The following PARD3 variants were observed in gnomAD, a reference collection of about 807,000 sequenced individuals.
PARD3 encodes par-3 family cell polarity regulator.
In PARD3, 75 loss-of-function variants were observed where a neutral mutation model predicts 155.4. The ratio of observed to expected loss-of-function variants is 0.48; its 90% CI spans 0.40 to 0.58. The LOEUF (loss-of-function observed/expected upper bound fraction) is 0.58, where lower values mean the gene tolerates loss of function less well. Among genes scored for constraint, PARD3 ranks in the 20% least tolerant of loss-of-function variants. PARD3 has a pLI of 0.00. For missense variants in PARD3, 1,642 were observed against 1,721.7 expected, an observed-to-expected ratio of 0.95 and a Z score of 0.82; for synonymous variants, 576 against 610.5, an observed-to-expected ratio of 0.94 and a Z score of 0.83.
chr10:34,267,192 G>T (rs1489069708), intron 22 of PARD3, among the ~76,000 whole-genome samples: 1 of 152,014 alleles, frequency 6.6e-6, no homozygotes, highest in Admixed American at 6.6e-5. Flanking sequence ...TTTCTCCCAG[G>T]AAAACAATTC....
intron 2 of PARD3, among the ~76,000 whole-genome samples, chr10:34,686,636 G>A (rs12219302): frequency 0.61 from 92,225 of 151,700 alleles, 28,952 homozygotes; most frequent in Non-Finnish European, 0.67. Flanking sequence ...AGCTACTCAG[G>A]AGGCTGAGGC....
chr10:34,530,703 T>A (rs940940046), intron 2 of PARD3, among the ~76,000 whole-genome samples: 6 of 152,234 alleles, frequency 3.9e-5, no homozygotes, highest in African/African-American at 1.4e-4. Context: ...TCACGATATT[T>A]CTATCACAAG....
At chr10:34,505,642 C>T (rs911771588) in intron 3 of PARD3, among the ~76,000 whole-genome samples, 3 of 152,112 alleles carry the variant, frequency 2.0e-5, no homozygotes, top group Admixed American at 2.0e-4. Context: ...AATGCCAGGC[C>T]AATGTCTACA....
intron 3 of PARD3, among the ~76,000 whole-genome samples, chr10:34,498,752 G>A (rs1439959080): frequency 1.3e-5 from 2 of 152,140 alleles, no homozygotes; most frequent in Admixed American, 6.5e-5. Context: ...ACTCCAGCCT[G>A]AGCAAAAGAG....
chr10:34,488,790 T>TA (rs1398664836), intron 3 of PARD3: 1 of 154,722 alleles, frequency 6.5e-6, no homozygotes, highest in Non-Finnish European at 1.4e-5. Context: ...GAGGATGCCC[T>TA]CGACGATGCA....
chr10:34,639,871 C>T (rs1440862736), intron 2 of PARD3, among the ~76,000 whole-genome samples: 2 of 151,998 alleles, frequency 1.3e-5, no homozygotes, highest in Non-Finnish European at 2.9e-5. Flanking sequence ...CACACACACA[C>T]ACACCACACA....
At chr10:34,171,118 G>A (rs564081889) in intron 22 of PARD3, among the ~76,000 whole-genome samples, 4 of 152,138 alleles carry the variant, frequency 2.6e-5, no homozygotes, top group East Asian at 1.9e-4. Flanking sequence ...ATACACACAC[G>A]TTTATACACA....
At chr10:34,336,289 A>G (rs1836178384) in intron 17 of PARD3, 46 bp from the exon 18 acceptor site, 1 of 1,425,620 alleles carries the variant, frequency 7.0e-7, no homozygotes, top group Non-Finnish European at 9.9e-7. Flanking sequence ...TAGTTCCCAT[A>G]GCCCACCATG....
In PARD3 at chr10:34,399,240, T is replaced by C. The variant is rs2277255; in HGVS notation, c.890+90A>G. The C allele has an allele frequency of 8.1e-5, 68 of 835,662 alleles. No individual in the cohort carries two copies. In the East Asian group the frequency reaches 1.6e-3, roughly 20 times the overall value. 51.8% of individuals were successfully genotyped at this position (835,662 alleles called of 1,614,324 possible). ...ATGAGAATGTTTCCTATTAAGCATA[T>C]GCTAAGTCAACACCACTCTCTATCT... On this transcript the variant is annotated intron_variant, in intron 7 of 24. Coordinates refer to ENST00000374788, the MANE Select transcript of PARD3 (RefSeq NM_001184785.2).
At chr10:34,454,775 C>T (rs1469874) in intron 4 of PARD3, among the ~76,000 whole-genome samples, 69,378 of 151,966 alleles carry the variant, frequency 0.46, 18,718 homozygotes, top group African/African-American at 0.76. Flanking sequence ...GATCAGGGAT[C>T]TTCCTTATCA....
chr10:34,544,839 T>C (rs1009648875), intron 2 of PARD3, among the ~76,000 whole-genome samples: 3 of 152,216 alleles, frequency 2.0e-5, no homozygotes, highest in African/African-American at 7.2e-5. Context: ...TAGTAACTAT[T>C]ATTCTCATTT....
chr10:34,419,284 G>A (rs1845964498), intron 5 of PARD3, among the ~76,000 whole-genome samples: 1 of 152,082 alleles, frequency 6.6e-6, no homozygotes, highest in Non-Finnish European at 1.5e-5. Context: ...TTGGTAAGCT[G>A]AGGCAGGCGA....
rs144767395 is a variant in PARD3 at position 34,324,293 on chromosome 10, T to C, written c.2833+6824A>G. ...ACCATGAAACATAATCTATATTGAG[T>C]GATCCGCAAAAATTTCCTGATGTTA... On this transcript the variant is annotated intron_variant, in intron 19 of 24. Transcript: ENST00000374788. Among the ~76,000 whole-genome samples, 377 of 152,280 alleles carry C rather than the reference T, an allele frequency of 2.5e-3. 1 individual carries two copies. Among genetic ancestry groups the C allele is most frequent in the Non-Finnish European group, 4.3e-3 (295 of 68,018 alleles).
At position 34,653,119 on chromosome 10, in the gene PARD3, G is replaced by A. The variant is rs1366020946; in HGVS notation, c.222+43199C>T. Among the ~76,000 whole-genome samples the A allele has an allele frequency of 2.0e-5, 3 of 152,038 alleles. No individual in the cohort carries two copies. The East Asian group carries it at 5.8e-4, about 29-fold the overall frequency. On this transcript the variant is annotated intron_variant, in intron 2 of 24. Transcript: ENST00000374788. ...TTTCAAGGATGAGAAAGGTTTGGAG[G>A]GTCTTATATAAGTGATAGTAATCAG... is the stretch of plus-strand genomic sequence containing the variant.
intron 1 of PARD3, among the ~76,000 whole-genome samples, chr10:34,743,950 T>A (rs1056346046): frequency 6.6e-6 from 1 of 152,190 alleles, no homozygotes; most frequent in Non-Finnish European, 1.5e-5. Context: ...TTTGCACTCA[T>A]GGCTGCCTGG....
At chr10:34,234,567 A>G (rs899470814) in intron 22 of PARD3, among the ~76,000 whole-genome samples, 4 of 152,312 alleles carry the variant, frequency 2.6e-5, no homozygotes, top group African/African-American at 7.2e-5. Context: ...CTCTGCATGA[A>G]TGACTTCTTT....
At chr10:34,704,824 C>T (rs1564527895) in intron 1 of PARD3, among the ~76,000 whole-genome samples, 1 of 152,160 alleles carries the variant, frequency 6.6e-6, no homozygotes, top group Non-Finnish European at 1.5e-5. Context: ...TTAGCATCCA[C>T]CAACCAGATT....
At chr10:34,550,431 C>A (rs571116084) in intron 2 of PARD3, among the ~76,000 whole-genome samples, 4 of 152,126 alleles carry the variant, frequency 2.6e-5, no homozygotes, top group Non-Finnish European at 5.9e-5. Context: ...AGGCTGGTCT[C>A]GAACTCCTAA....
chr10:34,581,234 C>CTTTCTTTT (rs1554776262), intron 2 of PARD3, among the ~76,000 whole-genome samples: 1 of 101,274 alleles, frequency 9.9e-6, no homozygotes, highest in Non-Finnish European at 1.9e-5. Context: ...TTTTTCTTTT[C>CTTTCTTTT]TTTTTTTTTT....
Sources: gnomAD v4.1 joint callset for allele counts (sites outside exome capture counted in the v4.1 genomes callset) on GRCh38, gnomAD v4.1.1 for gene constraint, MANE v1.5 for transcripts, NCBI Gene and HGNC (gene_info 2026-07-23, HGNC 2026-07-21) for gene names.